GREB1L: variants seen among roughly 807,000 people sequenced by gnomAD.
The protein encoded by GREB1L is GREB1 like retinoic acid receptor coactivator.
In GREB1L, 17 loss-of-function variants were observed where a neutral mutation model predicts 200.8. The ratio of observed to expected loss-of-function variants is 0.08; its 90% CI spans 0.06 to 0.13. The LOEUF is 0.13. GREB1L is among the 10% of genes least tolerant of loss of function. The pLI, the probability that GREB1L is intolerant of heterozygous loss-of-function variation, is 1.00. For synonymous variants in GREB1L, 789 were observed against 893.0 expected, an observed-to-expected ratio of 0.88 and a Z score of 2.08; for missense variants, 1,657 against 2,367.7, an observed-to-expected ratio of 0.70 and a Z score of 6.23.
intron 7 of GREB1L, among the ~76,000 whole-genome samples, chr18:21,421,524 A>C (rs1252939657): frequency 6.6e-6 from 1 of 152,210 alleles, no homozygotes; most frequent in African/African-American, 2.4e-5. Context: ...TTAACCCAGG[A>C]AAGAAGCAAA....
At chr18:21,381,008 C>T (rs1366214032) in intron 2 of GREB1L, among the ~76,000 whole-genome samples, 4 of 151,988 alleles carry the variant, frequency 2.6e-5, no homozygotes, top group Admixed American at 6.6e-5. Flanking sequence ...TTTGGAAGGC[C>T]GAGGTGGGCG....
chr18:21,294,408 G>A (rs1405243022), intron 1 of GREB1L, among the ~76,000 whole-genome samples: 4 of 151,824 alleles, frequency 2.6e-5, no homozygotes, highest in Non-Finnish European at 4.4e-5. Flanking sequence ...CAAGAAAAAC[G>A]CCCAGCAGAG....
chr18:21,518,031 C>A lies in GREB1L; in HGVS notation c.5272-3C>A. Reference sequence around the variant, plus strand: ...CCCATGATCATCTCGCCTCTGATTTCAGGTGTCAGAGAGCTTAGCACCCAT... The same window carrying A: ...CCCATGATCATCTCGCCTCTGATTTAAGGTGTCAGAGAGCTTAGCACCCAT... On this transcript the variant is annotated splice_polypyrimidine_tract_variant and splice_region_variant and intron_variant, in intron 30 of 32. Transcript: ENST00000424526. 6.5e-7 allele frequency: 1 copy of A among 1,549,860 alleles called. No homozygotes were observed. Among genetic ancestry groups the A allele is most frequent in the Non-Finnish European group, 8.7e-7 (1 of 1,145,402 alleles).
intron 32 of GREB1L, among the ~76,000 whole-genome samples, chr18:21,521,028 A>G (rs2146130532): frequency 6.6e-6 from 1 of 152,182 alleles, no homozygotes; most frequent in East Asian, 1.9e-4. Flanking sequence ...AACCGTCTCT[A>G]CTAAAAAATA....
At chr18:21,335,147 C>T (rs1164226397) in intron 1 of GREB1L, among the ~76,000 whole-genome samples, 1 of 152,190 alleles carries the variant, frequency 6.6e-6, no homozygotes. Flanking sequence ...ACAGTGTTCT[C>T]TCTTTCCCCG....
At chr18:21,514,100 C>A (rs185918150) in intron 28 of GREB1L, 114 bp downstream of exon 28, 334 of 1,050,704 alleles carry the variant, frequency 3.2e-4, no homozygotes, top group Non-Finnish European at 4.2e-4. Context: ...CAGAGCAAAA[C>A]AGTCAACCAT....
chr18:21,493,212 T>C (rs2036409334), intron 19 of GREB1L, among the ~76,000 whole-genome samples: 1 of 152,224 alleles, frequency 6.6e-6, no homozygotes, highest in African/African-American at 2.4e-5. Context: ...ACTTCTATTA[T>C]GTGATCTTAT....
At chr18:21,475,288 G>A (rs542083400) in intron 16 of GREB1L, among the ~76,000 whole-genome samples, 38 of 152,096 alleles carry the variant, frequency 2.5e-4, no homozygotes, top group Non-Finnish European at 4.7e-4. Context: ...AAGCAGTAGA[G>A]ATGCCACTTT....
chr18:21,346,347 A>G (rs771075671), intron 1 of GREB1L, among the ~76,000 whole-genome samples: 13 of 152,024 alleles, frequency 8.6e-5, no homozygotes, highest in Non-Finnish European at 1.8e-4. Flanking sequence ...AGCCCCTACC[A>G]GACTGCCACC....
intron 15 of GREB1L, among the ~76,000 whole-genome samples, chr18:21,467,536 T>C (rs777940728): frequency 5.9e-5 from 9 of 152,058 alleles, no homozygotes; most frequent in Non-Finnish European, 8.8e-5. Context: ...AAAACCACAA[T>C]GAGAGACTGC....
At chr18:21,369,691 G>A (rs1290044118) in intron 2 of GREB1L, among the ~76,000 whole-genome samples, 4 of 151,984 alleles carry the variant, frequency 2.6e-5, no homozygotes, top group Non-Finnish European at 5.9e-5. Flanking sequence ...ATAGGGTTGG[G>A]TTTTTATTTG....
chr18:21,393,710 C>T (rs567030871), intron 4 of GREB1L, among the ~76,000 whole-genome samples: 3 of 152,156 alleles, frequency 2.0e-5, no homozygotes, highest in East Asian at 1.9e-4. Context: ...ATTACAGGTG[C>T]GGGTCACCGC....
chr18:21,507,988 A>G (rs1041715925), intron 25 of GREB1L, 130 bp from the exon 26 acceptor site: 3 of 835,220 alleles, frequency 3.6e-6, no homozygotes, highest in African/African-American at 3.4e-5. Context: ...GGCTGCTCAC[A>G]GCCTGCTCTG....
chr18:21,342,866 T>C (rs930633295), intron 1 of GREB1L, among the ~76,000 whole-genome samples: 2 of 152,202 alleles, frequency 1.3e-5, no homozygotes, highest in Non-Finnish European at 2.9e-5. Context: ...TAAATATTTT[T>C]GTTTAGGAGT....
chr18:21,383,495 C>T lies in GREB1L; in HGVS notation c.-9-15C>T. 2.0e-6 allele frequency: 3 copies of T among 1,489,288 alleles called. No individual in the cohort carries two copies. The highest frequency in any genetic ancestry group is 1.8e-6 in the Non-Finnish European group (2 of 1,121,378). 92.3% of individuals were successfully genotyped at this position (1,489,288 alleles called of 1,614,324 possible). A position where few individuals can be genotyped will look rare whatever the true frequency, so the allele number is the denominator to read the frequency against. ...ATCAATTTTATCCTTTCTTCTTTTT[C>T]TTGGGGATGGGTAGGTGTAGATCAT... On this transcript the variant is annotated splice_polypyrimidine_tract_variant and intron_variant, in intron 2 of 32. Coordinates refer to ENST00000424526, the MANE Select transcript of GREB1L (RefSeq NM_001142966.3).
intron 7 of GREB1L, among the ~76,000 whole-genome samples, chr18:21,432,701 T>C (rs1380190517): frequency 7.3e-6 from 1 of 136,272 alleles, no homozygotes; most frequent in East Asian, 2.1e-4. Flanking sequence ...ATTTTCTTTT[T>C]TTTCTTTTTT....
At chr18:21,326,088 T>G (rs1352494048) in intron 1 of GREB1L, among the ~76,000 whole-genome samples, 1 of 152,160 alleles carries the variant, frequency 6.6e-6, no homozygotes, top group Non-Finnish European at 1.5e-5. Context: ...AATTGGTTAA[T>G]AAATGATGGT....
At chr18:21,369,593 A>G (rs140416567) in intron 2 of GREB1L, among the ~76,000 whole-genome samples, 1 of 152,350 alleles carries the variant, frequency 6.6e-6, no homozygotes, top group Admixed American at 6.5e-5. Flanking sequence ...TAGTTAGCAT[A>G]GTACAATAAT....
chr18:21,317,282 A>T (rs2038885900), intron 1 of GREB1L, among the ~76,000 whole-genome samples: 1 of 152,006 alleles, frequency 6.6e-6, no homozygotes, highest in South Asian at 2.1e-4. Flanking sequence ...TGTTAAAAAA[A>T]ATTGCAAACT....
Sources: gnomAD v4.1 joint callset for allele counts (sites outside exome capture counted in the v4.1 genomes callset) on GRCh38, gnomAD v4.1.1 for gene constraint, MANE v1.5 for transcripts, NCBI Gene and HGNC (gene_info 2026-07-23, HGNC 2026-07-21) for gene names.